The following OSBPL3 variants were observed in gnomAD, a reference collection of about 807,000 sequenced individuals.
OSBPL3 encodes the protein oxysterol-binding protein-related protein 3.
OSBPL3 carries 65 observed loss-of-function variants against 120.1 expected under a neutral mutation model. That is an observed-to-expected ratio of 0.54 (90% CI 0.44 to 0.67). The LOEUF (loss-of-function observed/expected upper bound fraction) is 0.67, where lower values mean the gene tolerates loss of function less well. Ranked by LOEUF, OSBPL3 falls within the 30% of genes least tolerant of loss-of-function variation. OSBPL3 has a pLI of 0.00. For synonymous variants in OSBPL3, 416 were observed against 402.6 expected (o/e 1.03, Z -0.40); for missense variants, 1,004 against 1,082.1 (o/e 0.93, Z 1.01).
Position 24,816,666 on chromosome 7 carries a change from G to A in OSBPL3, c.1971C>T (p.Phe657=). 6.2e-7 allele frequency: 1 copy of A among 1,612,088 alleles called. No homozygotes were observed. The highest frequency in any genetic ancestry group is 1.3e-5 in the African/African-American group (1 of 74,978). Reference sequence around the variant, plus strand: ...GAACAATTTCCATGGATTTGCCCCAGAATTTGTTTTTCCATCTCACATCTG... The same window carrying A: ...GAACAATTTCCATGGATTTGCCCCAAAATTTGTTTTTCCATCTCACATCTG... ...FWQDVRWKNK[F]WGKSMEIVPI... The change falls in exon 18 of 23, where the codon TTC becomes TTT. Residue 657 remains phenylalanine (F), a synonymous_variant. Coordinates refer to ENST00000313367, the MANE Select transcript of OSBPL3 (RefSeq NM_015550.4).
rs200384978 is a variant in OSBPL3 at position 24,861,679 on chromosome 7, C to T, written c.961G>A (p.Asp321Asn). Residue 321 changes from aspartate (D) to asparagine (N), a missense_variant, in exon 10 of 23, where the codon GAT becomes AAT. Around this residue, in one of 4 missense-constraint regions of OSBPL3, gnomAD observed 272 missense variants for 248.8 expected, o/e 1.09. Transcript: ENST00000313367. ...AACTCTGATGAGGTTTCAGAGCCAT[C>T]AGAATAATTTTTCTCTTCTCCAAAA... is the stretch of plus-strand genomic sequence containing the variant. ...LDFGEEKNYS[D>N]GSETSSEFSK... 88 of 1,611,694 alleles carry T rather than the reference C, an allele frequency of 5.5e-5. No individual in the cohort carries two copies. The highest frequency in any genetic ancestry group is 7.2e-5 in the Non-Finnish European group (85 of 1,178,186).
Position 24,891,226 on chromosome 7 carries a change from T to A in OSBPL3, c.96+1151A>T, listed in dbSNP as rs898051642. 1.5e-4 allele frequency among the ~76,000 whole-genome samples: 22 copies of A among 148,602 alleles called. No homozygotes were observed. The highest frequency in any genetic ancestry group is 1.1e-3 in the South Asian group (5 of 4,702). ...AGTCTTTTCTTATTTTTTTTTTTTT[T>A]AATTCCAGAAGGAACCGATGACAGT... is the stretch of plus-strand genomic sequence containing the variant. On this transcript the variant is annotated intron_variant, in intron 2 of 22. Coordinates refer to ENST00000313367, the MANE Select transcript of OSBPL3 (RefSeq NM_015550.4). This position sits in a 1 kb window ranked among gnomAD's most constrained non-coding sequence, Gnocchi z 4.1.
chr7:24,977,930 C>T (rs1364199372), intron 1 of OSBPL3, among the ~76,000 whole-genome samples: 1 of 152,218 alleles, frequency 6.6e-6, no homozygotes, highest in African/African-American at 2.4e-5. Flanking sequence ...TAACTATTAA[C>T]GATTACTGAA....
intron 1 of OSBPL3, among the ~76,000 whole-genome samples, chr7:24,942,227 C>T (rs909044792): frequency 6.6e-6 from 1 of 151,762 alleles, no homozygotes; most frequent in African/African-American, 2.4e-5. Flanking sequence ...AATTTCATAC[C>T]ATACGGAATG....
At chr7:24,823,227 C>T (rs2128146858) in intron 16 of OSBPL3, among the ~76,000 whole-genome samples, 1 of 152,250 alleles carries the variant, frequency 6.6e-6, no homozygotes, top group East Asian at 1.9e-4. Context: ...AGGCTGATTC[C>T]ACTGACTCGG....
At position 24,813,373 on chromosome 7, in the gene OSBPL3, C is replaced by A. The variant is rs919422133; in HGVS notation, c.2172+1686G>T. 2.0e-5 allele frequency among the ~76,000 whole-genome samples: 3 copies of A among 152,176 alleles called. No individual in the cohort carries two copies. The highest frequency in any genetic ancestry group is 4.8e-5 in the African/African-American group (2 of 41,420). ...TCTCTCATGACTATACACCCATTTT[C>A]TGCATGTAAGTGAATGAGAACAAGG... On this transcript the variant is annotated intron_variant, in intron 19 of 22. Transcript: ENST00000313367. This position sits in a 1 kb window ranked among gnomAD's most constrained non-coding sequence, Gnocchi z 4.5.
At position 24,933,238 on chromosome 7, in the gene OSBPL3, T is replaced by C. The variant is rs1812005029; in HGVS notation, c.-149-40617A>G. 6.6e-6 allele frequency among the ~76,000 whole-genome samples: 1 copy of C among 152,076 alleles called. No individual in the cohort carries two copies. The highest frequency in any genetic ancestry group is 1.5e-5 in the Non-Finnish European group (1 of 68,018). ...TGTTCAAAGGAGAAAAGATCATGAGTACCACCTGCAAACTCCCAAAAAGGC... is the reference window on the plus strand; with the variant it reads ...TGTTCAAAGGAGAAAAGATCATGAGCACCACCTGCAAACTCCCAAAAAGGC... On this transcript the variant is annotated intron_variant, in intron 1 of 22. Coordinates refer to ENST00000313367, the MANE Select transcript of OSBPL3 (RefSeq NM_015550.4). This position sits in a 1 kb window ranked among gnomAD's most constrained non-coding sequence, Gnocchi z 5.1.
rs762955852 is a variant in OSBPL3, at chr7:24,930,381, A to G, written c.-149-37760T>C. On this transcript the variant is annotated intron_variant, in intron 1 of 22. Coordinates refer to ENST00000313367, the MANE Select transcript of OSBPL3 (RefSeq NM_015550.4). This position sits in a 1 kb window ranked among gnomAD's most constrained non-coding sequence, Gnocchi z 4.4. ...AAACAAATTTTATACTGCCTATCCAAGATTAAGATTACACTTAACAAAGGT... is the reference window on the plus strand; with the variant it reads ...AAACAAATTTTATACTGCCTATCCAGGATTAAGATTACACTTAACAAAGGT... 1.4e-4 allele frequency among the ~76,000 whole-genome samples: 21 copies of G among 152,218 alleles called. No homozygotes were observed. Among genetic ancestry groups the G allele is most frequent in the Non-Finnish European group, 2.2e-4 (15 of 68,036 alleles).
intron 1 of OSBPL3, among the ~76,000 whole-genome samples, chr7:24,905,813 TTGA>T (rs1807824196): frequency 6.6e-6 from 1 of 152,188 alleles, no homozygotes; most frequent in African/African-American, 2.4e-5. Flanking sequence ...GGTGGATCAC[TTGA>T]GGTCAGCAGT....
intron 1 of OSBPL3, among the ~76,000 whole-genome samples, chr7:24,979,164 A>G (rs929581846): frequency 2.0e-5 from 3 of 152,214 alleles, no homozygotes; most frequent in African/African-American, 7.2e-5. Flanking sequence ...GACAGAGTGC[A>G]TAAGTCCCTA....
intron 2 of OSBPL3, among the ~76,000 whole-genome samples, chr7:24,890,418 C>T (rs985340178): frequency 1.3e-5 from 2 of 152,292 alleles, no homozygotes; most frequent in South Asian, 2.1e-4. Context: ...AAGGTTCCTG[C>T]ACCTCTGCAG....
intron 6 of OSBPL3, 132 bp from the exon 7 acceptor site, chr7:24,865,597 G>A (rs2128262851): frequency 2.3e-6 from 2 of 860,582 alleles, no homozygotes; most frequent in Admixed American, 4.8e-5. Context: ...GAAGCTTCTA[G>A]CAAAGTACTA....
chr7:24,812,437 TCAGTTCAGCTCAGCTCAGGC>T, intron 19 of OSBPL3, among the ~76,000 whole-genome samples: 1 of 152,000 alleles, frequency 6.6e-6, no homozygotes, highest in South Asian at 2.1e-4. Flanking sequence ...TCTATTCTGC[TCAGTTCAGCTCAGCTCAGGC>T]CAGTCCAGCC....
At chr7:24,949,786 CTAACTA>C (rs1406519917) in intron 1 of OSBPL3, among the ~76,000 whole-genome samples, 12 of 152,260 alleles carry the variant, frequency 7.9e-5, no homozygotes, top group Non-Finnish European at 1.5e-4. Flanking sequence ...TGTAAATGCT[CTAACTA>C]TAACACACTC....
chr7:24,865,774 TA>T (rs1801224058), intron 6 of OSBPL3, among the ~76,000 whole-genome samples: 1 of 152,192 alleles, frequency 6.6e-6, no homozygotes, highest in Non-Finnish European at 1.5e-5. Context: ...ATACCTACTG[TA>T]GTTTACAACC....
rs540757342 is a variant in OSBPL3, at chr7:24,804,232, G to A, written c.2567+83C>T. 29 of 1,512,226 alleles carry A rather than the reference G, an allele frequency of 1.9e-5. No homozygotes were observed. Among genetic ancestry groups the A allele is most frequent in the Non-Finnish European group, 2.7e-5 (29 of 1,090,446 alleles). 93.7% of individuals were successfully genotyped at this position (1,512,226 alleles called of 1,614,324 possible). A position where few individuals can be genotyped will look rare whatever the true frequency, so the allele number is the denominator to read the frequency against. On this transcript the variant is annotated intron_variant, in intron 22 of 22. Coordinates refer to ENST00000313367, the MANE Select transcript of OSBPL3 (RefSeq NM_015550.4). The surrounding 1 kb of genome is among the most constrained non-coding windows in gnomAD (Gnocchi z 5.4). ...TGGAGAATGCTCTTATCTGGGGACA[G>A]TACTGTTCACTTTCTGCAAACCAGA...
At chr7:24,945,061 A>G (rs559541421) in intron 1 of OSBPL3, among the ~76,000 whole-genome samples, 1 of 152,316 alleles carries the variant, frequency 6.6e-6, no homozygotes, top group East Asian at 1.9e-4. Flanking sequence ...TGATTACTTG[A>G]GTATCAAGTC....
rs1229677183 is a variant in OSBPL3 at position 24,896,377 on chromosome 7, G to A, written c.-149-3756C>T. 6.6e-6 allele frequency among the ~76,000 whole-genome samples: 1 copy of A among 152,210 alleles called. No homozygotes were observed. The highest frequency in any genetic ancestry group is 2.4e-5 in the African/African-American group (1 of 41,444). ...TGCCACCCACCTTTGAGAAGCTGAT[G>A]GGTCAGGACTGTGTGAAACGCTAGT... On this transcript the variant is annotated intron_variant, in intron 1 of 22. Transcript: ENST00000313367. The surrounding 1 kb of genome is among the most constrained non-coding windows in gnomAD (Gnocchi z 4.4).
rs894900270 is a variant in OSBPL3, at chr7:24,805,106, T to C, written c.2445-669A>G. Reference sequence around the variant, plus strand: ...AGGAAAAATCTGTAGGAGAAATTTCTAGAAGTGAAATTGCTGGATGAAAGG... The same window carrying C: ...AGGAAAAATCTGTAGGAGAAATTTCCAGAAGTGAAATTGCTGGATGAAAGG... On this transcript the variant is annotated intron_variant, in intron 21 of 22. Coordinates refer to ENST00000313367, the MANE Select transcript of OSBPL3 (RefSeq NM_015550.4). This position sits in a 1 kb window ranked among gnomAD's most constrained non-coding sequence, Gnocchi z 4.0. Among the ~76,000 whole-genome samples, 12 of 152,232 alleles carry C rather than the reference T, an allele frequency of 7.9e-5. No homozygotes were observed. The highest frequency in any genetic ancestry group is 2.9e-4 in the African/African-American group (12 of 41,464).
Sources: gnomAD v4.1 joint callset for allele counts (sites outside exome capture counted in the v4.1 genomes callset) on GRCh38, gnomAD v4.1.1 for gene constraint, gnomAD v4.1.1 regional missense constraint, Gnocchi (gnomAD v3.1) non-coding constraint, MANE v1.5 for transcripts, NCBI Gene and HGNC (gene_info 2026-07-23, HGNC 2026-07-21) for gene names.